Variants in C8orf34 observed in about 807,000 individuals in gnomAD.
C8orf34 encodes the protein chromosome 8 open reading frame 34.
C8orf34 carries 65 observed loss-of-function variants against 68.3 expected under a neutral mutation model. The observed-to-expected ratio is 0.95, with a 90% confidence interval of 0.78 to 1.17. C8orf34 has a LOEUF of 1.17. C8orf34 is among the 50% of genes most tolerant of loss of function. The probability of loss-of-function intolerance (pLI) is 0.00; values close to 1 mark genes in which losing one functional copy is unlikely to be tolerated. For missense variants in C8orf34, 664 were observed against 655.4 expected, an observed-to-expected ratio of 1.01 and a Z score of -0.14; for synonymous variants, 244 against 241.2, an observed-to-expected ratio of 1.01 and a Z score of -0.11.
intron 4 of C8orf34, among the ~76,000 whole-genome samples, chr8:68,471,840 G>A (rs2129630124): frequency 6.6e-6 from 1 of 151,844 alleles, no homozygotes; most frequent in Non-Finnish European, 1.5e-5. Flanking sequence ...TTTTTTAGTT[G>A]AGATTGACAG....
chr8:68,588,088 C>T (rs1009827999), intron 7 of C8orf34, among the ~76,000 whole-genome samples: 12 of 152,024 alleles, frequency 7.9e-5, no homozygotes, highest in Non-Finnish European at 1.2e-4. Flanking sequence ...CTACATATGC[C>T]GGTAATTGTA....
intron 3 of C8orf34, among the ~76,000 whole-genome samples, chr8:68,454,449 A>G (rs1811467298): frequency 1.3e-5 from 2 of 152,042 alleles, no homozygotes; most frequent in South Asian, 4.1e-4. Flanking sequence ...TTTACTTGTT[A>G]TAAGTCTATT....
At chr8:68,584,148 G>A (rs569517510) in intron 7 of C8orf34, among the ~76,000 whole-genome samples, 149 of 152,166 alleles carry the variant, frequency 9.8e-4, no homozygotes, top group African/African-American at 3.5e-3. Flanking sequence ...TTACTTTTAT[G>A]TGCCTACTGT....
intron 3 of C8orf34, among the ~76,000 whole-genome samples, chr8:68,466,474 A>G (rs12680577): frequency 0.43 from 65,656 of 151,636 alleles, 14,635 homozygotes; most frequent in East Asian, 0.58. Flanking sequence ...CGTGTTATAT[A>G]CATGTAACAA....
chr8:68,597,370 A>G (rs1461741167), intron 7 of C8orf34, among the ~76,000 whole-genome samples: 10 of 152,112 alleles, frequency 6.6e-5, no homozygotes, highest in Non-Finnish European at 1.5e-4. Context: ...GGTGTTACTT[A>G]TTTTTAAAAA....
chr8:68,763,865 G>A (rs887100458), intron 10 of C8orf34, among the ~76,000 whole-genome samples: 1 of 152,186 alleles, frequency 6.6e-6, no homozygotes, highest in Non-Finnish European at 1.5e-5. Flanking sequence ...TTCACTGGTT[G>A]CCTTAGACTA....
At chr8:68,519,025 A>G (rs996253812) in intron 5 of C8orf34, among the ~76,000 whole-genome samples, 1 of 152,184 alleles carries the variant, frequency 6.6e-6, no homozygotes, top group Admixed American at 6.5e-5. Flanking sequence ...CGATGATAAA[A>G]TGTGCTTCAA....
intron 5 of C8orf34, among the ~76,000 whole-genome samples, chr8:68,512,950 C>T (rs1446741991): frequency 1.3e-5 from 2 of 152,096 alleles, no homozygotes; most frequent in Non-Finnish European, 2.9e-5. Flanking sequence ...TAAGTGCAGC[C>T]AAGGTTTGAC....
rs1808777270 is a variant in C8orf34 at position 68,397,728 on chromosome 8, C to A, written c.328-41771C>A. 2.0e-5 allele frequency among the ~76,000 whole-genome samples: 3 copies of A among 152,048 alleles called. 1 individual carries two copies. In the South Asian group the frequency reaches 6.2e-4, roughly 32 times the overall value. ...CAATCTGTTGAATTGTGCTGCACTG[C>A]ATGAAAGCCATTCCTTTTGTCCTGT... On this transcript the variant is annotated intron_variant, in intron 1 of 13. Transcript: ENST00000518698.
At chr8:68,687,934 CA>C (rs1282008150) in intron 8 of C8orf34, among the ~76,000 whole-genome samples, 6 of 151,438 alleles carry the variant, frequency 4.0e-5, no homozygotes, top group Admixed American at 3.9e-4. Context: ...CAAAGCAAAA[CA>C]AAAAAATAAT....
In C8orf34 at chr8:68,489,486, T is replaced by A. The variant is rs181121705; in HGVS notation, c.765+1435T>A. Among the ~76,000 whole-genome samples, 310 of 152,332 alleles carry A rather than the reference T, an allele frequency of 2.0e-3. 3 individuals are homozygous for A. Among genetic ancestry groups the A allele is most frequent in the African/African-American group, 7.1e-3 (297 of 41,576 alleles). ...AGATATCATGGGGCTGGGACCAAAG[T>A]CTAAAACAAAATTCATTTGTGTTTC... On this transcript the variant is annotated intron_variant, in intron 5 of 13. Coordinates refer to ENST00000518698, the MANE Select transcript of C8orf34 (RefSeq NM_052958.4).
intron 5 of C8orf34, among the ~76,000 whole-genome samples, chr8:68,520,267 G>A (rs1814692514): frequency 6.6e-6 from 1 of 152,070 alleles, no homozygotes; most frequent in South Asian, 2.1e-4. Context: ...TTGAAGAAAT[G>A]CTCATCAAAT....
chr8:68,687,606 A>G (rs2130896608), intron 8 of C8orf34, among the ~76,000 whole-genome samples: 1 of 152,280 alleles, frequency 6.6e-6, no homozygotes, highest in South Asian at 2.1e-4. Context: ...TTATAAAAAA[A>G]TCAACTCAAG....
intron 7 of C8orf34, among the ~76,000 whole-genome samples, chr8:68,552,352 A>G (rs1816100903): frequency 6.6e-6 from 1 of 152,182 alleles, no homozygotes; most frequent in African/African-American, 2.4e-5. Context: ...CCAATTATTT[A>G]GATCTTTAAT....
chr8:68,344,698 TAGAAAGA>T (rs1208960271), intron 1 of C8orf34, among the ~76,000 whole-genome samples: 1 of 152,092 alleles, frequency 6.6e-6, no homozygotes, highest in East Asian at 1.9e-4. Context: ...GGTTGCATAA[TAGAAAGA>T]ATAGAGCAAA....
At chr8:68,532,741 ATAG>A (rs1487134080) in intron 6 of C8orf34, among the ~76,000 whole-genome samples, 1 of 152,164 alleles carries the variant, frequency 6.6e-6, no homozygotes, top group Non-Finnish European at 1.5e-5. Flanking sequence ...CATGGCAACA[ATAG>A]GTAGGAGTAA....
chr8:68,439,382 G>C, intron 1 of C8orf34, 117 bp from the exon 2 acceptor site: 1 of 809,306 alleles, frequency 1.2e-6, no homozygotes, highest in Non-Finnish European at 1.9e-6. Context: ...CATGGAGTTA[G>C]TTGCTGTATA....
intron 1 of C8orf34, among the ~76,000 whole-genome samples, chr8:68,431,175 T>C (rs545359975): frequency 2.0e-5 from 3 of 152,288 alleles, no homozygotes; most frequent in African/African-American, 7.2e-5. Context: ...GTGCATGGAA[T>C]CAAACTTAGG....
At chr8:68,387,337 G>A (rs1017767158) in intron 1 of C8orf34, among the ~76,000 whole-genome samples, 2 of 152,134 alleles carry the variant, frequency 1.3e-5, no homozygotes, top group South Asian at 2.1e-4. Context: ...GTATTAGTTA[G>A]CATTTATTAC....
Sources: gnomAD v4.1 joint callset for allele counts (sites outside exome capture counted in the v4.1 genomes callset) on GRCh38, gnomAD v4.1.1 for gene constraint, MANE v1.5 for transcripts, NCBI Gene and HGNC (gene_info 2026-07-23, HGNC 2026-07-21) for gene names.